Variants in EML1 observed in about 807,000 individuals in gnomAD.
EML1 encodes echinoderm microtubule-associated protein-like 1.
Under a neutral mutation model 110.4 loss-of-function variants are expected in EML1, and 27 were observed. The ratio of observed to expected loss-of-function variants is 0.24; its 90% CI spans 0.18 to 0.34. The LOEUF is 0.34. Among genes scored for constraint, EML1 ranks in the 10% least tolerant of loss-of-function variants. The pLI is 1.00. For missense variants in EML1, 741 were observed against 1,030.9 expected (o/e 0.72, Z 3.85); for synonymous variants, 344 against 385.8 (o/e 0.89, Z 1.27).
intron 1 of EML1, among the ~76,000 whole-genome samples, chr14:99,774,519 C>T (rs546404924): frequency 9.4e-4 from 143 of 152,326 alleles, no homozygotes; most frequent in African/African-American, 3.4e-3. Flanking sequence ...CTCCTCAGAC[C>T]TCCCCATATC....
chr14:99,933,989 GGAGGCT>G (rs1354743597), intron 17 of EML1, among the ~76,000 whole-genome samples: 1 of 152,198 alleles, frequency 6.6e-6, no homozygotes, highest in Non-Finnish European at 1.5e-5. Flanking sequence ...CAGCTACTTG[GGAGGCT>G]GAGGCAGGAG....
chr14:99,820,105 A>G (rs1220703452), intron 1 of EML1, among the ~76,000 whole-genome samples: 1 of 152,206 alleles, frequency 6.6e-6, no homozygotes, highest in Non-Finnish European at 1.5e-5. Context: ...CTTCCAGAAT[A>G]TAGGCAACTT....
chr14:99,923,663 GATTACTGTGACCTTAGAGGA>G (rs1566940259), intron 17 of EML1, among the ~76,000 whole-genome samples: 1 of 152,060 alleles, frequency 6.6e-6, no homozygotes, highest in African/African-American at 2.4e-5. Flanking sequence ...GTTTATCCCC[GATTACTGTGACCTTAGAGGA>G]AATTTTCAAA....
intron 15 of EML1, among the ~76,000 whole-genome samples, chr14:99,916,370 T>C (rs974065528): frequency 2.6e-5 from 4 of 152,384 alleles, no homozygotes; most frequent in Non-Finnish European, 5.9e-5. Context: ...CAGCTCCCAC[T>C]GTAGAAAGAA....
chr14:99,793,441 CG>C lies in EML1; in HGVS notation c.-33del. ...GTGTGGTGAGCGGCGGCGGCGCGGC[CG>C]GGCCGGGGAGCGGGCGCGGCCCGGC... On this transcript the variant is annotated 5_prime_UTR_variant, in exon 1 of 22. Transcript: ENST00000262233. 9.7e-7 allele frequency: 1 copy of C among 1,035,112 alleles called. No homozygotes were observed. The allele number at this position is 1,035,112 out of a possible 1,614,324, so 64.1% of individuals were successfully genotyped here.
chr14:99,788,025 A>G (rs2057619163), intron 1 of EML1, among the ~76,000 whole-genome samples: 1 of 152,120 alleles, frequency 6.6e-6, no homozygotes, highest in African/African-American at 2.4e-5. Context: ...CTGCTCTTAG[A>G]GTAAAATCAG....
chr14:99,902,036 C>T, intron 9 of EML1, among the ~76,000 whole-genome samples: 1 of 152,112 alleles, frequency 6.6e-6, no homozygotes, highest in East Asian at 1.9e-4. Context: ...GATATTCCTG[C>T]CTAACTATTA....
chr14:99,748,494 C>T (rs1037644746), intron 1 of EML1, among the ~76,000 whole-genome samples: 5 of 151,710 alleles, frequency 3.3e-5, no homozygotes, highest in African/African-American at 7.3e-5. Flanking sequence ...TTAGACCCAG[C>T]GCAGTGACTC....
At chr14:99,742,080 C>A (rs1403120001) in intron 1 of EML1, among the ~76,000 whole-genome samples, 1 of 152,168 alleles carries the variant, frequency 6.6e-6, no homozygotes, top group Non-Finnish European at 1.5e-5. Flanking sequence ...GGCCAGCACA[C>A]GGCTCTGGAC....
Position 99,835,989 on chromosome 14 carries a change from C to T in EML1, c.68-14864C>T, listed in dbSNP as rs73356299. On this transcript the variant is annotated intron_variant, in intron 1 of 21. Coordinates refer to ENST00000262233, the MANE Select transcript of EML1 (RefSeq NM_004434.3). ...GTCAGTTCTCCAGCTTTTTACTCTT[C>T]TTCAGTTTTGTGTTGGCTATTCTGG... Among the ~76,000 whole-genome samples the T allele has an allele frequency of 6.3e-3, 961 of 152,280 alleles. 10 individuals carry two copies. The highest frequency in any genetic ancestry group is 0.022 in the African/African-American group (909 of 41,550).
At chr14:99,818,117 G>C (rs1356652541) in intron 1 of EML1, among the ~76,000 whole-genome samples, 1 of 152,074 alleles carries the variant, frequency 6.6e-6, no homozygotes, top group African/African-American at 2.4e-5. Flanking sequence ...AGTTGGGGGT[G>C]GGGGCTCAGG....
intron 3 of EML1, among the ~76,000 whole-genome samples, chr14:99,866,205 G>T (rs1178890984): frequency 6.6e-6 from 1 of 152,228 alleles, no homozygotes; most frequent in Non-Finnish European, 1.5e-5. Context: ...CACTTTGGGA[G>T]GCCAAGGTGG....
rs1457617205 is a variant in EML1, at chr14:99,927,793, TTGGTGGTGGGGGGGGTGGGGGGGTGGTGG to T, written c.1909+6926_1909+6954del. On this transcript the variant is annotated intron_variant, in intron 17 of 21. Transcript: ENST00000262233. ...AGTGGTGGTGGTAGTGGTGGTGGTA[TTGGTGGTGGGGGGGGTGGGGGGGTGGTGG>T]TGGTGGTGGTATTGGTGGTGGTGAT... Among the ~76,000 whole-genome samples, 7 of 22,912 alleles carry T rather than the reference TTGGTGGTGGGGGGGGTGGGGGGGTGGTGG, an allele frequency of 3.1e-4. No homozygotes were observed. In the East Asian group the frequency reaches 9.4e-3, roughly 31 times the overall value. 15.0% of individuals were successfully genotyped at this position (22,912 alleles called of 152,430 possible).
In EML1 at chr14:99,909,396, A is replaced by T. The variant is rs760811233; in HGVS notation, c.1156A>T (p.Ile386Phe). The change falls in exon 11 of 22, where the codon ATC becomes TTC. Residue 386 changes from isoleucine to phenylalanine, a missense_variant. By Grantham distance (21) the Ile-to-Phe change is conservative. This residue lies in a region of EML1 where 388 missense variants were observed against 605.6 expected (regional missense o/e 0.64). Transcript: ENST00000262233. ...GGATTTCCACCCCACGGACACCAAC[A>T]TCATAGTTACTTGTGGAAAATCACA... ...AADFHPTDTN[I>F]IVTCGKSHLY... 3 of 1,614,176 alleles carry T rather than the reference A, an allele frequency of 1.9e-6. No homozygotes were observed. The highest frequency in any genetic ancestry group is 2.5e-6 in the Non-Finnish European group (3 of 1,180,024).
At chr14:99,888,539 C>T (rs1442056384) in intron 4 of EML1, among the ~76,000 whole-genome samples, 2 of 152,212 alleles carry the variant, frequency 1.3e-5, no homozygotes, top group Non-Finnish European at 1.5e-5. Flanking sequence ...CTTCTGTCCT[C>T]ACCTCCTTCT....
rs148398399 is a variant in EML1, at chr14:99,745,144, C to T, written c.28+7284C>T. Among the ~76,000 whole-genome samples, 92 of 152,258 alleles carry T rather than the reference C, an allele frequency of 6.0e-4. No individual in the cohort carries two copies. The East Asian group carries it at 0.017, about 28-fold the overall frequency. ...TGCAGTGGCACATCTCGGCTCACTG[C>T]AACCTCTGCCTCCCGGGTTTAAGCG... On this transcript the variant is annotated intron_variant, in intron 1 of 10. Coordinates refer to the EML1 transcript ENST00000554479.
At chr14:99,915,902 T>G (rs947751148) in intron 15 of EML1, among the ~76,000 whole-genome samples, 1 of 152,222 alleles carries the variant, frequency 6.6e-6, no homozygotes, top group Non-Finnish European at 1.5e-5. Context: ...GGTTCAAGTT[T>G]TGGCTCCCTT....
rs2057127396 is a variant in EML1 at position 99,747,681 on chromosome 14, G to T, written c.28+9821G>T. ...ATGGGGCGAGCAGGGTGAGCTTCAG[G>T]GTCAGGCTTGGGCCCGCTTCTTATC... On this transcript the variant is annotated intron_variant, in intron 1 of 10. Transcript: ENST00000554479. Among the ~76,000 whole-genome samples, 4 of 152,332 alleles carry T rather than the reference G, an allele frequency of 2.6e-5. No homozygotes were observed. In the South Asian group the frequency reaches 8.3e-4, roughly 32 times the overall value.
Position 99,827,081 on chromosome 14 carries a change from A to G in EML1, c.68-23772A>G, listed in dbSNP as rs944138238. 2.6e-5 allele frequency among the ~76,000 whole-genome samples: 4 copies of G among 152,210 alleles called. No individual in the cohort carries two copies. The highest frequency in any genetic ancestry group is 2.1e-4 in the South Asian group (1 of 4,834). Reference sequence around the variant, plus strand: ...CCAGGGAGCCAGTCACTGACTGTAAATACGCTGGGGGGTATTTACATGTAG... The same window carrying G: ...CCAGGGAGCCAGTCACTGACTGTAAGTACGCTGGGGGGTATTTACATGTAG... On this transcript the variant is annotated intron_variant, in intron 1 of 21. Transcript: ENST00000262233. This position sits in a 1 kb window ranked among gnomAD's most constrained non-coding sequence, Gnocchi z 4.4.
Sources: gnomAD v4.1 joint callset for allele counts (sites outside exome capture counted in the v4.1 genomes callset) on GRCh38, gnomAD v4.1.1 for gene constraint, gnomAD v4.1.1 regional missense constraint, Gnocchi (gnomAD v3.1) non-coding constraint, MANE v1.5 for transcripts, NCBI Gene and HGNC (gene_info 2026-07-23, HGNC 2026-07-21) for gene names.